DCDC1: variants seen among roughly 807,000 people sequenced by gnomAD.
DCDC1 encodes the protein doublecortin domain containing 1.
Under a neutral mutation model 178.3 loss-of-function variants are expected in DCDC1, and 200 were observed. The ratio of observed to expected loss-of-function variants is 1.12; its 90% CI spans 1.00 to 1.26. The LOEUF (loss-of-function observed/expected upper bound fraction) is 1.26. Among genes scored for constraint, DCDC1 ranks in the 50% most tolerant of loss-of-function variants. The pLI is 0.00. For synonymous variants in DCDC1, 690 were observed against 604.8 expected (o/e 1.14, Z -2.07); for missense variants, 1,983 against 1,749.2 (o/e 1.13, Z -2.38).
At chr11:31,139,840 CA>C (rs1178406734) in intron 9 of DCDC1, among the ~76,000 whole-genome samples, 2 of 151,800 alleles carry the variant, frequency 1.3e-5, no homozygotes, top group African/African-American at 4.8e-5. Context: ...GAAAACAGAC[CA>C]ATGCTACTGA....
chr11:30,990,895 T>G (rs1319920197), intron 20 of DCDC1, among the ~76,000 whole-genome samples: 1 of 152,184 alleles, frequency 6.6e-6, no homozygotes, highest in Non-Finnish European at 1.5e-5. Context: ...AACTTCCCAT[T>G]CTTGTGACAT....
chr11:31,093,249 T>A (rs1957925993), intron 16 of DCDC1, among the ~76,000 whole-genome samples: 1 of 152,222 alleles, frequency 6.6e-6, no homozygotes, highest in African/African-American at 2.4e-5. Flanking sequence ...TATATGTTTG[T>A]TTTTAACTTT....
intron 18 of DCDC1, among the ~76,000 whole-genome samples, chr11:31,065,895 C>T (rs1956222586): frequency 6.6e-6 from 1 of 152,166 alleles, no homozygotes; most frequent in Admixed American, 6.6e-5. Flanking sequence ...ACACAGCCCT[C>T]ACGGAACAAG....
chr11:30,911,155 G>A (rs1157121794), intron 28 of DCDC1, among the ~76,000 whole-genome samples, 172 bp downstream of exon 28: 1 of 151,890 alleles, frequency 6.6e-6, no homozygotes, highest in Non-Finnish European at 1.5e-5. Flanking sequence ...TAAATTAAGA[G>A]GTACATGAAC....
intron 9 of DCDC1, among the ~76,000 whole-genome samples, chr11:31,162,026 G>T (rs1236967393): frequency 6.6e-6 from 1 of 152,046 alleles, no homozygotes; most frequent in Non-Finnish European, 1.5e-5. Flanking sequence ...CAAAAATTAA[G>T]CCATTTTAAC....
chr11:31,357,750 C>A (rs1211665446), intron 1 of DCDC1, among the ~76,000 whole-genome samples: 1 of 152,020 alleles, frequency 6.6e-6, no homozygotes, highest in African/African-American at 2.4e-5. Context: ...TCTCAGGATA[C>A]AAAATCAGTG....
intron 6 of DCDC1, 36 bp from the exon 7 acceptor site, chr11:31,290,888 G>C (rs753012643): frequency 6.3e-7 from 1 of 1,583,412 alleles, no homozygotes. Context: ...TCAATATTTG[G>C]CTTCAAAATT....
chr11:31,001,737 G>A (rs571155103), intron 20 of DCDC1, among the ~76,000 whole-genome samples: 1 of 152,348 alleles, frequency 6.6e-6, no homozygotes, highest in South Asian at 2.1e-4. Flanking sequence ...CAAAGTCTGT[G>A]TGAATGAAAT....
chr11:31,142,034 T>C (rs150751247), intron 9 of DCDC1, among the ~76,000 whole-genome samples: 1 of 152,334 alleles, frequency 6.6e-6, no homozygotes, highest in Non-Finnish European at 1.5e-5. Context: ...TGAATGTCAC[T>C]GTATTCAGGG....
At chr11:31,302,217 C>T (rs897888145) in intron 6 of DCDC1, among the ~76,000 whole-genome samples, 3 of 152,104 alleles carry the variant, frequency 2.0e-5, no homozygotes, top group Non-Finnish European at 4.4e-5. Flanking sequence ...TCACAGGGCA[C>T]GAACCATTTA....
chr11:31,094,985 T>C (rs1018881743), intron 15 of DCDC1, among the ~76,000 whole-genome samples: 24 of 152,236 alleles, frequency 1.6e-4, no homozygotes, highest in African/African-American at 4.3e-4. Context: ...GATGTTCCCC[T>C]CCCTGTGTCC....
chr11:31,323,372 T>G (rs1949472704), intron 3 of DCDC1, among the ~76,000 whole-genome samples: 1 of 152,182 alleles, frequency 6.6e-6, no homozygotes, highest in African/African-American at 2.4e-5. Context: ...TGTCAAAATG[T>G]CTCTTTTTCT....
At chr11:31,072,635 T>G (rs1021279505) in intron 18 of DCDC1, among the ~76,000 whole-genome samples, 1 of 152,070 alleles carries the variant, frequency 6.6e-6, no homozygotes, top group Non-Finnish European at 1.5e-5. Flanking sequence ...ATGAATTGTA[T>G]GAAGGAGGTG....
intron 20 of DCDC1, among the ~76,000 whole-genome samples, chr11:31,036,544 G>A (rs1954040927): frequency 6.6e-6 from 1 of 152,084 alleles, no homozygotes; most frequent in African/African-American, 2.4e-5. Flanking sequence ...ATTCAAAAAT[G>A]TAAACCACAA....
intron 37 of DCDC1, among the ~76,000 whole-genome samples, chr11:30,879,173 C>A (rs1432603900): frequency 6.6e-6 from 1 of 152,102 alleles, no homozygotes; most frequent in African/African-American, 2.4e-5. Flanking sequence ...ATTTCACATA[C>A]TAAATGTTTT....
At chr11:31,339,656 T>C (rs1294137937) in intron 1 of DCDC1, among the ~76,000 whole-genome samples, 1 of 152,192 alleles carries the variant, frequency 6.6e-6, no homozygotes, top group Non-Finnish European at 1.5e-5. Context: ...ACATAGTAGG[T>C]ATGCAATAAA....
At chr11:30,997,133 A>C (rs290099) in intron 20 of DCDC1, among the ~76,000 whole-genome samples, 3,514 of 152,336 alleles carry the variant, frequency 0.023, 146 homozygotes, top group African/African-American at 0.081. Flanking sequence ...ATGTAAAAGG[A>C]AAAGCTGTAG....
chr11:31,111,567 A>T (rs564855433), intron 11 of DCDC1, among the ~76,000 whole-genome samples: 106 of 152,314 alleles, frequency 7.0e-4, no homozygotes, highest in Non-Finnish European at 1.2e-3. Context: ...CTGAGTAAAG[A>T]TACAATTCTG....
chr11:31,017,076 C>G (rs186817625), intron 20 of DCDC1, among the ~76,000 whole-genome samples: 1 of 152,240 alleles, frequency 6.6e-6, no homozygotes, highest in Admixed American at 6.5e-5. Context: ...GATGCAGATA[C>G]TACTGTAACA....
Sources: gnomAD v4.1 joint callset for allele counts (sites outside exome capture counted in the v4.1 genomes callset) on GRCh38, gnomAD v4.1.1 for gene constraint, MANE v1.5 for transcripts, NCBI Gene and HGNC (gene_info 2026-07-23, HGNC 2026-07-21) for gene names.